Variants in MDN1 observed in about 807,000 individuals in gnomAD.
MDN1 encodes midasin.
A neutral mutation model predicts 669.2 loss-of-function variants in MDN1; 266 were observed. That is an observed-to-expected ratio of 0.40 (90% CI 0.36 to 0.44). MDN1 has a LOEUF of 0.44. Among genes scored for constraint, MDN1 ranks in the 20% least tolerant of loss-of-function variants. The pLI is 1.00. For missense variants in MDN1, 5,940 were observed against 6,754.0 expected, an observed-to-expected ratio of 0.88 and a Z score of 4.22; for synonymous variants, 2,385 against 2,457.1, an observed-to-expected ratio of 0.97 and a Z score of 0.87.
chr6:89,731,180 C>G (rs1171634509), intron 34 of MDN1, among the ~76,000 whole-genome samples: 1 of 152,170 alleles, frequency 6.6e-6, no homozygotes, highest in Non-Finnish European at 1.5e-5. Context: ...ACATACAGTA[C>G]CTAATATGGC....
At position 89,745,064 on chromosome 6, in the gene MDN1, G is replaced by A. The variant is rs183565145; in HGVS notation, c.4178+209C>T. Among the ~76,000 whole-genome samples, 196 of 139,438 alleles carry A rather than the reference G, an allele frequency of 1.4e-3. 3 individuals are homozygous for A. Among genetic ancestry groups the A allele is most frequent in the African/African-American group, 4.7e-3 (176 of 37,190 alleles). The allele number at this position is 139,438 out of a possible 152,430, so 91.5% of individuals were successfully genotyped here. ...GTTGGTTTGCTGCACCCCTCAACTC[G>A]TGATTTACATTAGGTATTTCTCCTA... On this transcript the variant is annotated intron_variant, in intron 29 of 101. Coordinates refer to ENST00000369393, the MANE Select transcript of MDN1 (RefSeq NM_014611.3).
At chr6:89,805,245 A>C (rs1303803378) in intron 1 of MDN1, among the ~76,000 whole-genome samples, 1 of 152,096 alleles carries the variant, frequency 6.6e-6, no homozygotes, top group Non-Finnish European at 1.5e-5. Context: ...GTTTATCCTA[A>C]GAAGTTTCAC....
At chr6:89,751,922 C>T (rs1444005286) in intron 22 of MDN1, among the ~76,000 whole-genome samples, 8 of 152,012 alleles carry the variant, frequency 5.3e-5, no homozygotes, top group Non-Finnish European at 1.0e-4. Flanking sequence ...CCATGTTCCC[C>T]GAAAAAGGGC....
At chr6:89,789,073 G>A (rs1038174295) in intron 7 of MDN1, among the ~76,000 whole-genome samples, 5 of 151,944 alleles carry the variant, frequency 3.3e-5, no homozygotes, top group East Asian at 1.9e-4. Context: ...GCAGTGAGCC[G>A]AGATCGTGCT....
Position 89,745,504 on chromosome 6 carries a change from G to C in MDN1, c.4027C>G (p.Leu1343Val), listed in dbSNP as rs1816560036. Reference protein sequence around the residue: ...PQSLFSKENVLKLLGKLSTQI... With the variant: ...PQSLFSKENVVKLLGKLSTQI... The stretch of plus-strand genomic sequence containing the variant: ...TTGGCCTACTCACCCAGCAATTTTA[G>C]AACATTTTCTTTGGAGAAAAGAGAT... The change falls in exon 28 of 102, where the codon CTA becomes GTA. Residue 1343 changes from leucine to valine, a missense_variant. By Grantham distance (32) the Leu-to-Val change is conservative (BLOSUM62 1). Around this residue, in one of 5 missense-constraint regions of MDN1, gnomAD observed 2,292 missense variants for 2,638.3 expected, o/e 0.87. Coordinates refer to ENST00000369393, the MANE Select transcript of MDN1 (RefSeq NM_014611.3). The C allele has an allele frequency of 1.2e-6, 2 of 1,614,052 alleles. No homozygotes were observed. The highest frequency in any genetic ancestry group is 1.1e-5 in the South Asian group (1 of 91,060).
intron 2 of MDN1, among the ~76,000 whole-genome samples, chr6:89,795,043 T>G (rs1819506482): frequency 6.6e-6 from 1 of 152,188 alleles, no homozygotes; most frequent in Admixed American, 6.5e-5. Context: ...CTGAATCTAC[T>G]TAGTCGTAAA....
intron 59 of MDN1, among the ~76,000 whole-genome samples, chr6:89,698,608 A>G (rs1812936108): frequency 6.6e-6 from 1 of 152,218 alleles, no homozygotes; most frequent in Admixed American, 6.5e-5. Flanking sequence ...AATGTTTTAT[A>G]GTGGGAAAAA....
chr6:89,664,805 G>C (rs1810068694), intron 84 of MDN1, among the ~76,000 whole-genome samples, 177 bp from the exon 85 acceptor site: 1 of 152,136 alleles, frequency 6.6e-6, no homozygotes, highest in African/African-American at 2.4e-5. Flanking sequence ...GTTTCCACTT[G>C]TTTTAATCAG....
At chr6:89,716,041 A>G (rs1814349055) in intron 44 of MDN1, among the ~76,000 whole-genome samples, 1 of 152,202 alleles carries the variant, frequency 6.6e-6, no homozygotes, top group South Asian at 2.1e-4. Context: ...TCCTTGCACT[A>G]TAACCTTTTC....
chr6:89,685,204 G>A (rs1008408776), intron 70 of MDN1, among the ~76,000 whole-genome samples: 1 of 152,006 alleles, frequency 6.6e-6, no homozygotes, highest in Non-Finnish European at 1.5e-5. Flanking sequence ...ACTTCTGCTT[G>A]TAACAGATGT....
At position 89,680,616 on chromosome 6, in the gene MDN1, G is replaced by A. The variant is rs1232549857; in HGVS notation, c.12238C>T (p.Leu4080Phe). Residue 4080 changes from leucine to phenylalanine, a missense_variant, in exon 74 of 102, where the codon CTT (leucine) becomes TTT (phenylalanine). Transcript: ENST00000369393. ...GTGAACTGATCAAGGCCCTCCACAA[G>A]GCGAGGCAGGGGGCTCTCCTTCATG... Reference protein sequence around the residue: ...TFMKESPLPRLVEGLDQFTGE... With the variant: ...TFMKESPLPRFVEGLDQFTGE... The A allele has an allele frequency of 6.2e-7, 1 of 1,614,192 alleles. No homozygotes were observed. The highest frequency in any genetic ancestry group is 2.2e-5 in the East Asian group (1 of 44,886).
chr6:89,819,354 C>T, intron 1 of MDN1, 152 bp downstream of exon 1: 2 of 731,558 alleles, frequency 2.7e-6, no homozygotes, highest in Non-Finnish European at 4.7e-6. Context: ...GAAACCTCCA[C>T]GACCTGCGCC....
intron 82 of MDN1, 125 bp downstream of exon 82, chr6:89,672,075 G>A (rs1810824772): frequency 6.3e-6 from 6 of 958,528 alleles, no homozygotes; most frequent in Non-Finnish European, 8.7e-6. Flanking sequence ...AAGAGACCAA[G>A]TTCTTAGTGA....
chr6:89,807,209 G>A (rs897777763), intron 1 of MDN1, among the ~76,000 whole-genome samples: 1 of 151,946 alleles, frequency 6.6e-6, no homozygotes, highest in Admixed American at 6.6e-5. Flanking sequence ...GCCTCATCCT[G>A]CCAAGTAGCT....
chr6:89,681,533 A>AT (rs372488623), intron 73 of MDN1, among the ~76,000 whole-genome samples: 24 of 150,492 alleles, frequency 1.6e-4, no homozygotes, highest in Admixed American at 7.3e-4. Flanking sequence ...GCATATTTTC[A>AT]TTTTTTTTTC....
At chr6:89,698,320 A>G (rs1470259413) in intron 59 of MDN1, among the ~76,000 whole-genome samples, 1 of 152,264 alleles carries the variant, frequency 6.6e-6, no homozygotes, top group African/African-American at 2.4e-5. Flanking sequence ...AGGATAGTCA[A>G]TGTGGCATGC....
chr6:89,776,533 C>A, intron 12 of MDN1, 67 bp downstream of exon 12: 1 of 1,238,846 alleles, frequency 8.1e-7, no homozygotes, highest in Non-Finnish European at 1.2e-6. Context: ...GACTAGAGAC[C>A]AGCAAGCAAG....
At chr6:89,806,758 T>A (rs292219) in intron 1 of MDN1, among the ~76,000 whole-genome samples, 93,266 of 150,106 alleles carry the variant, frequency 0.62, 29,209 homozygotes, top group South Asian at 0.72. Context: ...AATTAAAAAA[T>A]TTTTTTTTTT....
At chr6:89,707,716 G>A (rs904316261) in intron 51 of MDN1, among the ~76,000 whole-genome samples, 8 of 152,126 alleles carry the variant, frequency 5.3e-5, no homozygotes, top group Non-Finnish European at 7.3e-5. Context: ...GGTCTGTCAC[G>A]ATCTGACAAA....
Sources: allele counts gnomAD v4.1 joint callset (sites outside exome capture counted in the v4.1 genomes callset), GRCh38; gene constraint gnomAD v4.1.1; regional missense constraint gnomAD v4.1.1; transcripts MANE v1.5; gene names NCBI Gene and HGNC (gene_info 2026-07-23, HGNC 2026-07-21).